NRXN2: variants seen among roughly 807,000 people sequenced by gnomAD.
NRXN2 encodes neurexin 2, also known as neurexin-2-beta.
Under a neutral mutation model 128.8 loss-of-function variants are expected in NRXN2, and 29 were observed. The observed-to-expected ratio is 0.23, with a 90% CI of 0.17 to 0.31. The LOEUF is 0.31. Ranked by LOEUF, NRXN2 falls within the 10% of genes least tolerant of loss-of-function variation. NRXN2 has a pLI of 1.00. For missense variants in NRXN2, 1,881 were observed against 2,452.6 expected (o/e 0.77, Z 4.92); for synonymous variants, 1,098 against 1,075.2 (o/e 1.02, Z -0.41).
intron 7 of NRXN2, among the ~76,000 whole-genome samples, chr11:64,675,000 G>A (rs756696599): frequency 6.6e-6 from 1 of 152,152 alleles, no homozygotes; most frequent in Non-Finnish European, 1.5e-5. Context: ...TGGAAAGTCT[G>A]CTGGGTCCTA....
chr11:64,653,077 G>A (rs768327148), intron 12 of NRXN2, among the ~76,000 whole-genome samples: 5 of 152,032 alleles, frequency 3.3e-5, no homozygotes, highest in Non-Finnish European at 7.4e-5. Context: ...AACACCCTGA[G>A]ACACAGCATT....
At chr11:64,685,154 T>A (rs896864110) in intron 6 of NRXN2, among the ~76,000 whole-genome samples, 1 of 152,182 alleles carries the variant, frequency 6.6e-6, no homozygotes, top group Non-Finnish European at 1.5e-5. Flanking sequence ...CCCGCACACA[T>A]TAACTCAGGC....
chr11:64,606,769 G>A lies in NRXN2; in HGVS notation c.*427C>T, dbSNP rs3741399. The A allele has an allele frequency of 0.11, 18,742 of 177,778 alleles. 1,576 individuals are homozygous for A. The highest frequency in any genetic ancestry group is 0.27 in the East Asian group (1,928 of 7,020). The allele number at this position is 177,778 out of a possible 1,614,324, so 11.0% of individuals were successfully genotyped here. ...CAGCAAGCCTGGGATGGGGATTGGAGGGCTTGGGAAGAGAAGGAAGGCAGG... is the reference window on the plus strand; with the variant it reads ...CAGCAAGCCTGGGATGGGGATTGGAAGGCTTGGGAAGAGAAGGAAGGCAGG... On this transcript the variant is annotated 3_prime_UTR_variant, in exon 23 of 23. Transcript: ENST00000265459.
Position 64,676,985 on chromosome 11 carries a change from A to T in NRXN2, c.1197+8T>A, listed in dbSNP as rs1376938819. The T allele has an allele frequency of 6.2e-7, 1 of 1,612,666 alleles. No individual in the cohort carries two copies. The highest frequency in any genetic ancestry group is 8.5e-7 in the Non-Finnish European group (1 of 1,179,160). The stretch of plus-strand genomic sequence containing the variant: ...ACCAAACGGTAAGACAATTAGAGTG[A>T]TATCTACCAGATAATGCAGTTTGTT... On this transcript the variant is annotated splice_region_variant and intron_variant, in intron 7 of 22. Transcript: ENST00000265459.
At chr11:64,639,268 GT>G (rs1338849925) in intron 17 of NRXN2, among the ~76,000 whole-genome samples, 1 of 152,102 alleles carries the variant, frequency 6.6e-6, no homozygotes, top group East Asian at 1.9e-4. Context: ...GTGCTCAGCT[GT>G]CTCTTGATCT....
chr11:64,620,399 AAGAG>A, intron 21 of NRXN2, 27 bp from the exon 22 acceptor site: 1 of 1,538,024 alleles, frequency 6.5e-7, no homozygotes, highest in Non-Finnish European at 8.8e-7. Flanking sequence ...GGGGTGGGGA[AAGAG>A]AGGTTCCAGG....
At chr11:64,673,354 C>T (rs1439681292) in intron 7 of NRXN2, among the ~76,000 whole-genome samples, 1 of 152,154 alleles carries the variant, frequency 6.6e-6, no homozygotes. Context: ...CCCTCTCCCC[C>T]AAGAAGAAGT....
chr11:64,629,628 C>G (rs965877027), intron 19 of NRXN2, among the ~76,000 whole-genome samples: 1 of 152,162 alleles, frequency 6.6e-6, no homozygotes, highest in Non-Finnish European at 1.5e-5. Context: ...TTGTCCTTGG[C>G]CGCCACAGCT....
intron 9 of NRXN2, among the ~76,000 whole-genome samples, chr11:64,662,084 C>A (rs1463066862): frequency 2.3e-5 from 3 of 130,714 alleles, no homozygotes; most frequent in East Asian, 4.1e-4. Context: ...GAAACTCCAT[C>A]TCTACTAAAA....
chr11:64,626,691 C>T (rs2043108537), intron 19 of NRXN2, 139 bp from the exon 20 acceptor site: 1 of 749,422 alleles, frequency 1.3e-6, no homozygotes, highest in Non-Finnish European at 2.4e-6. Flanking sequence ...AAAAGAAACG[C>T]TGGGCCCCTC....
In NRXN2 at chr11:64,607,247, G is replaced by C; in HGVS notation, c.5088C>G (p.Pro1696=). 1 of 1,613,960 alleles carries C rather than the reference G, an allele frequency of 6.2e-7. No homozygotes were observed. Among genetic ancestry groups the C allele is most frequent in the South Asian group, 1.1e-5 (1 of 91,070 alleles). The change falls in exon 23 of 23, where the codon CCC becomes CCG. Residue 1696 remains proline (P), a synonymous_variant. Transcript: ENST00000265459. ...AVVKEKAPAA[P]KTPSKAKKNK... ...TCTTCTTGGCCTTGCTGGGCGTCTTGGGGGCAGCCGGGGCCTTCTCTTTCA... is the reference window on the plus strand; with the variant it reads ...TCTTCTTGGCCTTGCTGGGCGTCTTCGGGGCAGCCGGGGCCTTCTCTTTCA...
In NRXN2 at chr11:64,624,174, G is replaced by A. The variant is rs60971378; in HGVS notation, c.3848-1096C>T. ...CTTGTTAGCCTCTGGTTAGTGCCTC[G>A]TTAAAGATCTGGTTTAGAGTTCGGT... On this transcript the variant is annotated intron_variant, in intron 20 of 22. Coordinates refer to ENST00000265459, the MANE Select transcript of NRXN2 (RefSeq NM_015080.4). Among the ~76,000 whole-genome samples, 191 of 152,256 alleles carry A rather than the reference G, an allele frequency of 1.3e-3. 1 individual carries two copies. Among genetic ancestry groups the A allele is most frequent in the African/African-American group, 4.3e-3 (180 of 41,532 alleles).
chr11:64,638,633 G>A (rs535008584), intron 17 of NRXN2, among the ~76,000 whole-genome samples: 2 of 152,342 alleles, frequency 1.3e-5, no homozygotes, highest in East Asian at 3.9e-4. Context: ...GGGTCTGAAA[G>A]GCAAGAGGGG....
intron 21 of NRXN2, 109 bp from the exon 22 acceptor site, chr11:64,620,481 A>G: frequency 1.2e-6 from 1 of 837,226 alleles, no homozygotes. Flanking sequence ...CTGGGCTGAG[A>G]CGGACCAGAC....
chr11:64,707,087 G>T (rs55908793), intron 2 of NRXN2, among the ~76,000 whole-genome samples: 34,653 of 151,416 alleles, frequency 0.23, 4,226 homozygotes, highest in East Asian at 0.48. Context: ...TATACATAAA[G>T]AAAAATGGGT....
Position 64,608,068 on chromosome 11 carries a change from A to T in NRXN2, c.4267T>A (p.Leu1423Met). The T allele has an allele frequency of 6.3e-7, 1 of 1,585,856 alleles. No individual in the cohort carries two copies. Residue 1423 changes from leucine (L) to methionine (M), a missense_variant, in exon 23 of 23, where the codon TTG (leucine) becomes ATG (methionine). By Grantham distance (15) the Leu-to-Met change is conservative. Transcript: ENST00000265459. ...CEPSTGGELI[L>M]PIITEDSLDP... ...AAGGAGTCCTCCGTGATAATGGGCA[A>T]TATTAACTCTCCTCCTAGAACAAGA... is the stretch of plus-strand genomic sequence containing the variant.
intron 6 of NRXN2, among the ~76,000 whole-genome samples, chr11:64,681,314 A>G (rs769936193): frequency 1.3e-5 from 2 of 152,196 alleles, no homozygotes; most frequent in Non-Finnish European, 2.9e-5. Flanking sequence ...CAAACACTCA[A>G]TAGTTGCAGG....
At chr11:64,693,331 C>T (rs1180164468) in intron 3 of NRXN2, among the ~76,000 whole-genome samples, 2 of 146,758 alleles carry the variant, frequency 1.4e-5, no homozygotes, top group Non-Finnish European at 1.5e-5. Flanking sequence ...TTTTTTCTTC[C>T]GGGAGGCGGA....
intron 17 of NRXN2, among the ~76,000 whole-genome samples, chr11:64,639,070 C>T (rs934189818): frequency 6.6e-6 from 1 of 152,200 alleles, no homozygotes; most frequent in African/African-American, 2.4e-5. Context: ...AGAACCTCTG[C>T]CTGCCTGTGT....
Sources: gnomAD v4.1 joint callset for allele counts (sites outside exome capture counted in the v4.1 genomes callset) on GRCh38, gnomAD v4.1.1 for gene constraint, MANE v1.5 for transcripts, NCBI Gene and HGNC (gene_info 2026-07-23, HGNC 2026-07-21) for gene names.